The following TUSC3 variants were observed in gnomAD, a reference collection of about 807,000 sequenced individuals.
The protein encoded by TUSC3 is dolichyl-diphosphooligosaccharide--protein glycosyltransferase subunit TUSC3.
A neutral mutation model predicts 44.8 loss-of-function variants in TUSC3; 45 were observed. That is an observed-to-expected ratio of 1.00 (90% confidence interval 0.79 to 1.29). TUSC3 has a LOEUF of 1.29. Among genes scored for constraint, TUSC3 ranks in the 50% most tolerant of loss-of-function variants. The probability of loss-of-function intolerance (pLI) is 0.00; values close to 1 mark genes in which losing one functional copy is unlikely to be tolerated. For missense variants in TUSC3, 519 were observed against 437.9 expected (o/e 1.19, Z -1.65); for synonymous variants, 212 against 152.9 (o/e 1.39, Z -2.85).
the TUSC3 span, among the ~76,000 whole-genome samples, chr8:15,773,810 A>G: frequency 3.9e-5 from 6 of 152,320 alleles, no homozygotes; most frequent in East Asian, 1.2e-3. Flanking sequence ...TTGATTTTCA[A>G]CAAGAGTGCC....
chr8:15,686,026 G>A (rs1234954435), intron 6 of TUSC3, among the ~76,000 whole-genome samples: 1 of 151,980 alleles, frequency 6.6e-6, no homozygotes, highest in African/African-American at 2.4e-5. Context: ...TAATAGTGCA[G>A]GCAGTGTGAT....
At chr8:15,453,337 T>C (rs372192191) in intron 1 of TUSC3, among the ~76,000 whole-genome samples, 1 of 152,196 alleles carries the variant, frequency 6.6e-6, no homozygotes, top group Non-Finnish European at 1.5e-5. Flanking sequence ...TGAATAAGTA[T>C]ATATACTTAT....
intron 6 of TUSC3, among the ~76,000 whole-genome samples, chr8:15,685,642 C>A (rs1808597449): frequency 6.6e-6 from 1 of 152,080 alleles, no homozygotes; most frequent in Non-Finnish European, 1.5e-5. Flanking sequence ...TACACATTGA[C>A]CTTAACATCA....
chr8:15,773,459 C>T, the TUSC3 span, among the ~76,000 whole-genome samples: 2 of 151,932 alleles, frequency 1.3e-5, no homozygotes, highest in Non-Finnish European at 1.5e-5. Context: ...AAGACCTAAA[C>T]AAATAGAAAT....
chr8:15,777,040 T>G, the TUSC3 span, among the ~76,000 whole-genome samples: 1 of 152,184 alleles, frequency 6.6e-6, no homozygotes, highest in Non-Finnish European at 1.5e-5. Context: ...AAATGTATTT[T>G]ACATGTTCTC....
the TUSC3 span, among the ~76,000 whole-genome samples, chr8:15,796,827 G>A: frequency 6.6e-6 from 1 of 152,150 alleles, no homozygotes; most frequent in Non-Finnish European, 1.5e-5. Flanking sequence ...AGGCTCGGTG[G>A]GCCCTTCCCA....
the TUSC3 span, among the ~76,000 whole-genome samples, chr8:15,812,204 G>C: frequency 6.6e-6 from 1 of 152,132 alleles, no homozygotes; most frequent in African/African-American, 2.4e-5. Flanking sequence ...AAACAAATAA[G>C]TACTCAATGT....
the TUSC3 span, among the ~76,000 whole-genome samples, chr8:15,800,493 A>C: frequency 6.6e-6 from 1 of 151,712 alleles, no homozygotes; most frequent in South Asian, 2.1e-4. Flanking sequence ...GGATCACTTG[A>C]GCCTGGGCTG....
At chr8:15,713,268 C>A (rs1393427665) in intron 6 of TUSC3, among the ~76,000 whole-genome samples, 1 of 152,048 alleles carries the variant, frequency 6.6e-6, no homozygotes, top group African/African-American at 2.4e-5. Flanking sequence ...ATTTTCTGTG[C>A]TTTTCCACAC....
rs114645867 is a variant in TUSC3 at position 15,555,040 on chromosome 8, A to G, written c.138+14472A>G. ...CAAGGAGATTGAAGGAACACACATTATAGATATAGAGAATGTAAGGAATTG... is the reference window on the plus strand; with the variant it reads ...CAAGGAGATTGAAGGAACACACATTGTAGATATAGAGAATGTAAGGAATTG... On this transcript the variant is annotated intron_variant, in intron 1 of 10. Transcript: ENST00000503731. Among the ~76,000 whole-genome samples, 892 of 151,304 alleles carry G rather than the reference A, an allele frequency of 5.9e-3. 13 individuals are homozygous for G. The highest frequency in any genetic ancestry group is 0.02 in the African/African-American group (833 of 41,380).
chr8:15,847,226 G>A, the TUSC3 span, among the ~76,000 whole-genome samples: 814 of 152,254 alleles, frequency 5.3e-3, 3 homozygotes, highest in African/African-American at 0.019. Context: ...GGGTGTGTAT[G>A]AGACAGAAGA....
rs553394365 is a variant in TUSC3, at chr8:15,456,497, G to C, written n.92-26889G>C. 1.7e-4 allele frequency among the ~76,000 whole-genome samples: 26 copies of C among 152,220 alleles called. 1 individual carries two copies. Among genetic ancestry groups the C allele is most frequent in the African/African-American group, 5.8e-4 (24 of 41,548 alleles). ...TAAGAAAAGAGAGGAGGGCTTCCACGATCAGTGACTAGGAGCTGTTACGAA... is the reference window on the plus strand; with the variant it reads ...TAAGAAAAGAGAGGAGGGCTTCCACCATCAGTGACTAGGAGCTGTTACGAA... On this transcript the variant is annotated intron_variant and non_coding_transcript_variant, in intron 1 of 5. Coordinates refer to the TUSC3 transcript ENST00000503191.
rs71211076 is a variant in TUSC3, at chr8:15,700,849, C to CTTTTTTTTTTTTTTTT, written c.798+27016_798+27031dup. Among the ~76,000 whole-genome samples, 283 of 90,500 alleles carry CTTTTTTTTTTTTTTTT rather than the reference C, an allele frequency of 3.1e-3. 25 individuals carry two copies. Among genetic ancestry groups the CTTTTTTTTTTTTTTTT allele is most frequent in the African/African-American group, 6.7e-3 (136 of 20,392 alleles). The allele number at this position is 90,500 out of a possible 152,430, so 59.4% of individuals were successfully genotyped here. On this transcript the variant is annotated intron_variant, in intron 6 of 10. Transcript: ENST00000503731. ...CTTTCACTAGAGGGAATGGCTGGAG[C>CTTTTTTTTTTTTTTTT]TTTTTTTTTTTTTTTTTTGCTTTGC...
intron 1 of TUSC3, among the ~76,000 whole-genome samples, chr8:15,436,022 C>G (rs540276466): frequency 9.8e-5 from 15 of 152,290 alleles, no homozygotes; most frequent in East Asian, 7.7e-4. Context: ...CTGCAGTTAT[C>G]TGAAGCCTTG....
At chr8:15,773,543 A>G in the TUSC3 span, among the ~76,000 whole-genome samples, 1 of 152,178 alleles carries the variant, frequency 6.6e-6, no homozygotes, top group Admixed American at 6.6e-5. Context: ...TACAAATTCA[A>G]TTTCCTATTA....
In TUSC3 at chr8:15,635,015, A is replaced by G. The variant is rs191933487; in HGVS notation, c.308+11766A>G. Among the ~76,000 whole-genome samples the G allele has an allele frequency of 9.9e-5, 15 of 152,030 alleles. No homozygotes were observed. The East Asian group carries it at 2.1e-3, about 22-fold the overall frequency. ...TAAGACCATGTCAGTAAAACAAGAG[A>G]ACTCAGTGACTGAACCCAGATTAAA... On this transcript the variant is annotated intron_variant, in intron 2 of 10. Coordinates refer to ENST00000503731, the MANE Select transcript of TUSC3 (RefSeq NM_006765.4).
intron 6 of TUSC3, among the ~76,000 whole-genome samples, chr8:15,685,555 G>T (rs1166790552): frequency 6.6e-6 from 1 of 152,038 alleles, no homozygotes; most frequent in South Asian, 2.1e-4. Flanking sequence ...TTGATGCTCT[G>T]TCAACAGGGC....
the TUSC3 span, among the ~76,000 whole-genome samples, chr8:15,814,449 C>T: frequency 2.0e-4 from 30 of 152,220 alleles, no homozygotes; most frequent in African/African-American, 7.2e-4. Flanking sequence ...ACATAGATGC[C>T]TGATTTTAAG....
chr8:15,605,433 T>A (rs1391714902), intron 1 of TUSC3, among the ~76,000 whole-genome samples: 1 of 151,964 alleles, frequency 6.6e-6, no homozygotes, highest in Non-Finnish European at 1.5e-5. Flanking sequence ...TATCTTCTCC[T>A]GTAGAAGGAA....
Sources: allele counts gnomAD v4.1 joint callset (sites outside exome capture counted in the v4.1 genomes callset), GRCh38; gene constraint gnomAD v4.1.1; transcripts MANE v1.5; gene names NCBI Gene and HGNC (gene_info 2026-07-23, HGNC 2026-07-21).